The following DNAJC25 variants were observed in gnomAD, a reference collection of about 807,000 sequenced individuals.
The protein encoded by DNAJC25 is dnaJ homolog subfamily C member 25.
DNAJC25 carries 26 observed loss-of-function variants against 42.1 expected under a neutral mutation model. That is an observed-to-expected ratio of 0.62 (90% CI 0.45 to 0.86). DNAJC25 has a LOEUF of 0.86. Among genes scored for constraint, DNAJC25 ranks in the 40% least tolerant of loss-of-function variants. The pLI is 0.00. For missense variants in DNAJC25, 404 were observed against 459.4 expected, an observed-to-expected ratio of 0.88 and a Z score of 1.10; for synonymous variants, 189 against 179.9, an observed-to-expected ratio of 1.05 and a Z score of -0.40.
chr9:111,640,583 A>C (rs1392920720), intron 1 of DNAJC25, among the ~76,000 whole-genome samples: 4 of 41,186 alleles, frequency 9.7e-5, no homozygotes, highest in Admixed American at 2.6e-4. Context: ...CCGCCGCCCC[A>C]TCTGGGATGT....
At chr9:111,632,358 T>C (rs1039448580) in intron 1 of DNAJC25, among the ~76,000 whole-genome samples, 5 of 152,178 alleles carry the variant, frequency 3.3e-5, no homozygotes, top group Non-Finnish European at 7.3e-5. Flanking sequence ...CCTCTCAGAG[T>C]TATTATGGGG....
At chr9:111,644,547 AC>A (rs1412145980) in intron 1 of DNAJC25, among the ~76,000 whole-genome samples, 1 of 152,216 alleles carries the variant, frequency 6.6e-6, no homozygotes, top group African/African-American at 2.4e-5. Context: ...GATTTCAACG[AC>A]ACTCCAAGAC....
At chr9:111,639,452 C>G (rs2131258988) in intron 1 of DNAJC25, among the ~76,000 whole-genome samples, 1 of 152,178 alleles carries the variant, frequency 6.6e-6, no homozygotes, top group East Asian at 1.9e-4. Flanking sequence ...CAGTTACAAG[C>G]ATTACTAGTA....
chr9:111,631,674 C>A lies in DNAJC25; in HGVS notation c.267C>A (p.Gly89=). The part of the protein sequence containing the change: ...DRYRPQPGDE[G]PGRTPQSAEE... ...ACCGGCCCCAGCCCGGAGACGAGGG[C>A]CCCGGGCGGACGCCGCAGAGCGCCG... Residue 89 remains glycine, a synonymous_variant, in exon 1 of 4, where the codon GGC becomes GGA. Transcript: ENST00000313525. 3.9e-6 allele frequency: 6 copies of A among 1,522,732 alleles called. No homozygotes were observed. Among genetic ancestry groups the A allele is most frequent in the Non-Finnish European group, 5.3e-6 (6 of 1,141,522 alleles). 94.3% of individuals were successfully genotyped at this position (1,522,732 alleles called of 1,614,324 possible). A position where few individuals can be genotyped will look rare whatever the true frequency, so the allele number is the denominator to read the frequency against.
intron 3 of DNAJC25, 138 bp from the exon 4 acceptor site, chr9:111,652,962 T>G: frequency 1.4e-6 from 1 of 731,028 alleles, no homozygotes; most frequent in Non-Finnish European, 1.9e-6. Context: ...TGTTTAGTAT[T>G]TTAGGTGAAT....
At chr9:111,650,036 T>TAA in intron 3 of DNAJC25, 113 bp downstream of exon 3, 3 of 1,011,762 alleles carry the variant, frequency 3.0e-6, no homozygotes, top group Non-Finnish European at 4.1e-6. Context: ...ATCCTAGAGT[T>TAA]AAACAATTAG....
At chr9:111,652,566 A>G (rs1313871147) in intron 3 of DNAJC25, among the ~76,000 whole-genome samples, 1 of 144,218 alleles carries the variant, frequency 6.9e-6, no homozygotes, top group Admixed American at 6.9e-5. Context: ...TTTGAGATGG[A>G]GTTTCACTCT....
chr9:111,631,374 C>CGCTGGGGTGGCAGAGCCGCCAGCGAG lies in DNAJC25; in HGVS notation c.-26_-1dup. ...GGCGCGCGGCTGAGTGCTGCAGAAT[C>CGCTGGGGTGGCAGAGCCGCCAGCGAG]GCTGGGGTGGCAGAGCCGCCAGCGA... On this transcript the variant is annotated 5_prime_UTR_variant, in exon 1 of 4. Transcript: ENST00000313525. 1 of 1,273,324 alleles carries CGCTGGGGTGGCAGAGCCGCCAGCGAG rather than the reference C, an allele frequency of 7.9e-7. No homozygotes were observed. Among genetic ancestry groups the CGCTGGGGTGGCAGAGCCGCCAGCGAG allele is most frequent in the South Asian group, 3.0e-5 (1 of 33,620 alleles). The allele number at this position is 1,273,324 out of a possible 1,614,324, so 78.9% of individuals were successfully genotyped here. A position where few individuals can be genotyped will look rare whatever the true frequency, so the allele number is the denominator to read the frequency against.
intron 1 of DNAJC25, among the ~76,000 whole-genome samples, chr9:111,645,797 C>CT (rs11415636): frequency 0.099 from 14,805 of 149,240 alleles, 2,433 homozygotes; most frequent in African/African-American, 0.34. Context: ...ATAAAAAAAA[C>CT]TTTTTTTTTT....
rs1830702101 is a variant in DNAJC25 at position 111,653,804 on chromosome 9, C to T, written c.*582C>T. On this transcript the variant is annotated 3_prime_UTR_variant, in exon 4 of 4. Transcript: ENST00000313525. ...TCTGCTAGAATTTCTCCCCTCTATT[C>T]ATTATAATATTCTTTGTTTTTAAAG... 1 of 152,552 alleles carries T rather than the reference C, an allele frequency of 6.6e-6. No homozygotes were observed. The highest frequency in any genetic ancestry group is 1.5e-5 in the Non-Finnish European group (1 of 68,024). 9.4% of individuals were successfully genotyped at this position (152,552 alleles called of 1,614,324 possible). A position where few individuals can be genotyped will look rare whatever the true frequency, so the allele number is the denominator to read the frequency against.
chr9:111,643,155 A>C (rs1275482930), intron 1 of DNAJC25: 1 of 230,152 alleles, frequency 4.3e-6, no homozygotes, highest in Non-Finnish European at 9.0e-6. Flanking sequence ...TATTTTCATA[A>C]ACTATGAATT....
chr9:111,631,621 C>G lies in DNAJC25; in HGVS notation c.214C>G (p.Leu72Val). 2.0e-6 allele frequency: 3 copies of G among 1,497,392 alleles called. No individual in the cohort carries two copies. Among genetic ancestry groups the G allele is most frequent in the South Asian group, 2.5e-5 (2 of 80,732 alleles). 92.8% of individuals were successfully genotyped at this position (1,497,392 alleles called of 1,614,324 possible). ...KAEIARAYRQ[L>V]ARRYHPDRYR... ...GGAGATCGCGCGGGCCTACCGCCAG[C>G]TGGCCCGGCGCTACCACCCTGACCG... The change falls in exon 1 of 4, where the codon CTG becomes GTG. Residue 72 changes from leucine to valine, a missense_variant. By Grantham distance (32) the Leu-to-Val change is conservative. Transcript: ENST00000313525.
chr9:111,639,533 AGAT>A (rs1242108669), intron 1 of DNAJC25, among the ~76,000 whole-genome samples: 5 of 152,166 alleles, frequency 3.3e-5, no homozygotes, highest in Non-Finnish European at 5.9e-5. Flanking sequence ...ATAGAGAAGA[AGAT>A]AAGTTGCACT....
At position 111,652,636 on chromosome 9, in the gene DNAJC25, G is replaced by A. The variant is rs189842986; in HGVS notation, c.961-464G>A. On this transcript the variant is annotated intron_variant, in intron 3 of 3. Transcript: ENST00000313525. Reference sequence around the variant, plus strand: ...AGCTCACTGCAACCTCCGCCTCCCAGGTTCAAGCAGTTCTCCTGCCTCAGC... The same window carrying A: ...AGCTCACTGCAACCTCCGCCTCCCAAGTTCAAGCAGTTCTCCTGCCTCAGC... Among the ~76,000 whole-genome samples, 1,037 of 151,626 alleles carry A rather than the reference G, an allele frequency of 6.8e-3. 19 individuals are homozygous for A. Among genetic ancestry groups the A allele is most frequent in the South Asian group, 0.042 (200 of 4,802 alleles).
At chr9:111,651,206 G>A (rs1002836923) in intron 3 of DNAJC25, among the ~76,000 whole-genome samples, 2 of 147,072 alleles carry the variant, frequency 1.4e-5, no homozygotes, top group Non-Finnish European at 3.0e-5. Flanking sequence ...AGAGGTTGCA[G>A]TGAGCCAAGA....
chr9:111,636,911 C>T (rs1037173240), intron 1 of DNAJC25, among the ~76,000 whole-genome samples: 3 of 152,060 alleles, frequency 2.0e-5, no homozygotes, highest in African/African-American at 2.4e-5. Flanking sequence ...TTTACTGGTT[C>T]GTTAATTTCA....
At chr9:111,650,140 A>G (rs1830635078) in intron 3 of DNAJC25, among the ~76,000 whole-genome samples, 2 of 152,218 alleles carry the variant, frequency 1.3e-5, no homozygotes, top group Admixed American at 1.3e-4. Flanking sequence ...AACTTCAAAT[A>G]CTTTAATCAA....
chr9:111,639,141 T>A (rs1417755330), intron 1 of DNAJC25, among the ~76,000 whole-genome samples: 1 of 152,212 alleles, frequency 6.6e-6, no homozygotes, highest in African/African-American at 2.4e-5. Flanking sequence ...CTTAGCACAC[T>A]CAGTTGTGCT....
intron 2 of DNAJC25, among the ~76,000 whole-genome samples, chr9:111,648,343 C>T (rs1830597837): frequency 6.6e-6 from 1 of 151,822 alleles, no homozygotes; most frequent in African/African-American, 2.4e-5. Context: ...CTCACTGTAG[C>T]CTTGACTTCT....
Sources: gnomAD v4.1 joint callset for allele counts (sites outside exome capture counted in the v4.1 genomes callset) on GRCh38, gnomAD v4.1.1 for gene constraint, MANE v1.5 for transcripts, NCBI Gene and HGNC (gene_info 2026-07-23, HGNC 2026-07-21) for gene names.